Variants in ADGRD1 observed in about 807,000 individuals in gnomAD.
ADGRD1 encodes the protein G-protein coupled receptor 133.
ADGRD1 carries 77 observed loss-of-function variants against 113.4 expected under a neutral mutation model. The ratio of observed to expected loss-of-function variants is 0.68; its 90% CI spans 0.57 to 0.82. ADGRD1 has a LOEUF of 0.82. Ranked by LOEUF, ADGRD1 falls within the 40% of genes least tolerant of loss-of-function variation. The pLI, the probability that ADGRD1 is intolerant of heterozygous loss-of-function variation, is 0.00. For missense variants in ADGRD1, 1,036 were observed against 1,139.1 expected (o/e 0.91, Z 1.30); for synonymous variants, 474 against 475.0 (o/e 1.00, Z 0.03).
At chr12:131,051,481 C>T (rs374695145) in intron 13 of ADGRD1, among the ~76,000 whole-genome samples, 2 of 8,886 alleles carry the variant, frequency 2.3e-4, no homozygotes, top group Admixed American at 1.8e-3. Context: ...TTCTTTCTTT[C>T]TTTTCTTTTT....
At chr12:131,120,975 G>T in intron 20 of ADGRD1, 62 bp downstream of exon 20, 1 of 1,497,444 alleles carries the variant, frequency 6.7e-7, no homozygotes, top group Non-Finnish European at 9.2e-7. Context: ...GAGAGGGTGT[G>T]GGGCTCTGGA....
At chr12:131,025,526 G>A (rs1207519994) in intron 13 of ADGRD1, 4 of 151,954 alleles carry the variant, frequency 2.6e-5, no homozygotes, top group Admixed American at 2.0e-4. Context: ...TGAGGCCCGA[G>A]GCTGAGATGC....
chr12:131,037,229 G>A (rs556614103), intron 13 of ADGRD1, among the ~76,000 whole-genome samples: 62 of 143,228 alleles, frequency 4.3e-4, no homozygotes, highest in Non-Finnish European at 1.5e-5. Context: ...ACTGCACTGG[G>A]TCTCACTCAC....
chr12:131,044,873 C>T (rs1322035956), intron 13 of ADGRD1, among the ~76,000 whole-genome samples: 1 of 152,266 alleles, frequency 6.6e-6, no homozygotes, highest in Non-Finnish European at 1.5e-5. Flanking sequence ...AAGAGCACGC[C>T]CGCCTCGCGC....
At chr12:130,959,005 G>C (rs1411851102) in intron 2 of ADGRD1, among the ~76,000 whole-genome samples, 2 of 152,216 alleles carry the variant, frequency 1.3e-5, no homozygotes, top group African/African-American at 4.8e-5. Context: ...CACAGCGTGA[G>C]GGGAATTAGG....
chr12:131,021,236 A>T (rs1879278955), intron 13 of ADGRD1, among the ~76,000 whole-genome samples: 1 of 152,052 alleles, frequency 6.6e-6, no homozygotes, highest in Non-Finnish European at 1.5e-5. Context: ...ACGTTTTTTG[A>T]ATGGTGTCAG....
chr12:131,138,594 C>T (rs976182289), intron 24 of ADGRD1, among the ~76,000 whole-genome samples: 7 of 152,156 alleles, frequency 4.6e-5, no homozygotes, highest in African/African-American at 1.4e-4. Context: ...CTCACTGTGC[C>T]GCTGCTTCCC....
At chr12:130,987,696 G>A (rs1593300960) in intron 6 of ADGRD1, 1 of 327,902 alleles carries the variant, frequency 3.0e-6, no homozygotes, top group East Asian at 7.1e-5. Flanking sequence ...CCAGGGGATG[G>A]GCCCTTGGAA....
chr12:131,015,997 C>T (rs1012205123), intron 13 of ADGRD1, among the ~76,000 whole-genome samples: 2 of 152,208 alleles, frequency 1.3e-5, no homozygotes, highest in Non-Finnish European at 2.9e-5. Context: ...TTTCCATGCA[C>T]CTCTGGCTCT....
intron 20 of ADGRD1, among the ~76,000 whole-genome samples, chr12:131,123,738 C>T (rs562517560): frequency 6.6e-6 from 1 of 151,268 alleles, no homozygotes; most frequent in Non-Finnish European, 1.5e-5. Flanking sequence ...AGGAAAATGG[C>T]GTGAACCCGG....
At chr12:131,085,663 A>G (rs1163824661) in intron 15 of ADGRD1, among the ~76,000 whole-genome samples, 3 of 152,200 alleles carry the variant, frequency 2.0e-5, no homozygotes, top group Admixed American at 2.0e-4. Context: ...TTGCGCTCAC[A>G]GAAGGGCTGG....
chr12:131,125,996 C>G (rs1007285184), intron 20 of ADGRD1, among the ~76,000 whole-genome samples: 1 of 152,164 alleles, frequency 6.6e-6, no homozygotes, highest in African/African-American at 2.4e-5. Context: ...AATTATTACT[C>G]GAACCTTCCT....
chr12:131,137,061 C>T, intron 23 of ADGRD1, 47 bp downstream of exon 23: 1 of 1,506,894 alleles, frequency 6.6e-7, no homozygotes, highest in Non-Finnish European at 9.2e-7. Flanking sequence ...GCTGGCTTTT[C>T]CTTTCCGAAA....
chr12:131,038,332 G>A (rs1172087363), intron 13 of ADGRD1, among the ~76,000 whole-genome samples: 2 of 152,338 alleles, frequency 1.3e-5, no homozygotes, highest in Non-Finnish European at 2.9e-5. Flanking sequence ...GCGCAGGGCA[G>A]CCATGTGTTA....
At chr12:131,009,361 T>G (rs1877578534) in intron 12 of ADGRD1, among the ~76,000 whole-genome samples, 1 of 152,242 alleles carries the variant, frequency 6.6e-6, no homozygotes, top group Admixed American at 6.5e-5. Flanking sequence ...TGGGGGAGAC[T>G]AAAGAGGTTC....
Position 130,992,444 on chromosome 12 carries a change from G to A in ADGRD1, c.966+52G>A, listed in dbSNP as rs769143347. 8 of 1,461,296 alleles carry A rather than the reference G, an allele frequency of 5.5e-6. No individual in the cohort carries two copies. The African/African-American group carries it at 7.1e-5, about 13-fold the overall frequency. 90.5% of individuals were successfully genotyped at this position (1,461,296 alleles called of 1,614,324 possible). A position where few individuals can be genotyped will look rare whatever the true frequency, so the allele number is the denominator to read the frequency against. Reference sequence around the variant, plus strand: ...GTGGACCGGGCGTGGCACCCTTACCGGGACCATAGATGTTTCTGTTTGACC... The same window carrying A: ...GTGGACCGGGCGTGGCACCCTTACCAGGACCATAGATGTTTCTGTTTGACC... On this transcript the variant is annotated intron_variant, in intron 8 of 24. Coordinates refer to ENST00000261654, the MANE Select transcript of ADGRD1 (RefSeq NM_198827.5).
chr12:131,081,844 GA>G (rs1886092963), intron 14 of ADGRD1, among the ~76,000 whole-genome samples: 1 of 152,026 alleles, frequency 6.6e-6, no homozygotes, highest in South Asian at 2.1e-4. Context: ...GTTACCATTT[GA>G]AAAAGTATTC....
intron 5 of ADGRD1, among the ~76,000 whole-genome samples, chr12:130,985,155 T>A (rs1873501432): frequency 6.6e-6 from 1 of 151,846 alleles, no homozygotes; most frequent in African/African-American, 2.4e-5. Context: ...CAGGCTGGTC[T>A]CAAACTCCTG....
At chr12:131,086,593 G>T (rs1566096815) in intron 15 of ADGRD1, among the ~76,000 whole-genome samples, 1 of 152,262 alleles carries the variant, frequency 6.6e-6, no homozygotes, top group Non-Finnish European at 1.5e-5. Flanking sequence ...TGCTGGGGCA[G>T]ATGGAGATAA....
Sources: gnomAD v4.1 joint callset for allele counts (sites outside exome capture counted in the v4.1 genomes callset) on GRCh38, gnomAD v4.1.1 for gene constraint, MANE v1.5 for transcripts, NCBI Gene and HGNC (gene_info 2026-07-23, HGNC 2026-07-21) for gene names.